The following TULP4 variants were observed in gnomAD, a reference collection of about 807,000 sequenced individuals.
TULP4 encodes TUB like protein 4, also known as tubby-related protein 4.
Under a neutral mutation model 129.0 loss-of-function variants are expected in TULP4, and 16 were observed. That is an observed-to-expected ratio of 0.12 (90% CI 0.08 to 0.19). The LOEUF (loss-of-function observed/expected upper bound fraction) is 0.19, where lower values mean the gene tolerates loss of function less well. TULP4 is among the 10% of genes least tolerant of loss of function. TULP4 has a pLI of 1.00. For synonymous variants in TULP4, 998 were observed against 854.0 expected (o/e 1.17, Z -2.94); for missense variants, 1,842 against 2,059.1 (o/e 0.89, Z 2.04).
intron 2 of TULP4, among the ~76,000 whole-genome samples, chr6:158,415,372 C>T (rs1231448162): frequency 5.4e-5 from 7 of 130,022 alleles, no homozygotes; most frequent in Non-Finnish European, 1.1e-4. Context: ...TTTTTTGAGA[C>T]GGAGTCACGC....
chr6:158,277,038 C>G (rs1778661191), intron 1 of TULP4, among the ~76,000 whole-genome samples: 1 of 152,116 alleles, frequency 6.6e-6, no homozygotes, highest in South Asian at 2.1e-4. Context: ...TTCCCAGGCT[C>G]AGGTGGTCCT....
chr6:158,300,586 C>T (rs1583718295), intron 1 of TULP4, among the ~76,000 whole-genome samples: 1 of 152,166 alleles, frequency 6.6e-6, no homozygotes, highest in Non-Finnish European at 1.5e-5. Context: ...TATCCAGGGG[C>T]ATTGTCTGTC....
intron 1 of TULP4, among the ~76,000 whole-genome samples, chr6:158,360,997 T>G (rs1178172640): frequency 1.3e-5 from 2 of 152,248 alleles, no homozygotes; most frequent in Non-Finnish European, 2.9e-5. Context: ...TGATCCTCCT[T>G]TCCTGCCTTC....
rs370357544 is a variant in TULP4, at chr6:158,376,341, A to C, written c.253-36724A>C. Among the ~76,000 whole-genome samples the C allele has an allele frequency of 8.5e-5, 13 of 152,242 alleles. No homozygotes were observed. In the East Asian group the frequency reaches 1.7e-3, roughly 20 times the overall value. The stretch of plus-strand genomic sequence containing the variant: ...GGGCATGTGGAAGGCTCTTCGTCCC[A>C]TGTCTGGTGCCTACACTGGACAAAG... On this transcript the variant is annotated intron_variant, in intron 1 of 13. Coordinates refer to ENST00000367097, the MANE Select transcript of TULP4 (RefSeq NM_020245.5).
chr6:158,357,668 G>A (rs1395688043), intron 1 of TULP4, among the ~76,000 whole-genome samples: 1 of 152,180 alleles, frequency 6.6e-6, no homozygotes, highest in African/African-American at 2.4e-5. Context: ...GTGTTCCTCT[G>A]ATGCCGAGGC....
intron 1 of TULP4, among the ~76,000 whole-genome samples, chr6:158,287,604 G>C (rs1778854453): frequency 6.6e-6 from 1 of 152,110 alleles, no homozygotes; most frequent in Non-Finnish European, 1.5e-5. Flanking sequence ...ACTTAAGATA[G>C]AAACATTTGC....
At chr6:158,381,675 A>G (rs1777329480) in intron 1 of TULP4, among the ~76,000 whole-genome samples, 2 of 152,202 alleles carry the variant, frequency 1.3e-5, no homozygotes, top group South Asian at 4.1e-4. Context: ...CTGGCTGTGT[A>G]GGGTGGATTT....
At chr6:158,461,370 C>T (rs1353331514) in intron 5 of TULP4, among the ~76,000 whole-genome samples, 193 bp from the exon 6 acceptor site, 1 of 150,216 alleles carries the variant, frequency 6.7e-6, no homozygotes, top group African/African-American at 2.5e-5. Flanking sequence ...GAGATCACGC[C>T]ATTGCACTCC....
At chr6:158,340,545 C>T (rs1780156465) in intron 1 of TULP4, among the ~76,000 whole-genome samples, 1 of 152,102 alleles carries the variant, frequency 6.6e-6, no homozygotes, top group Admixed American at 6.5e-5. Context: ...CAAACCAGGC[C>T]CTGCACCTGC....
chr6:158,313,717 C>T lies in TULP4; in HGVS notation c.-300C>T. 2.1e-6 allele frequency: 1 copy of T among 474,822 alleles called. No individual in the cohort carries two copies. Among genetic ancestry groups the T allele is most frequent in the South Asian group, 5.0e-5 (1 of 19,864 alleles). The allele number at this position is 474,822 out of a possible 1,614,324, so 29.4% of individuals were successfully genotyped here. A position where few individuals can be genotyped will look rare whatever the true frequency, so the allele number is the denominator to read the frequency against. On this transcript the variant is annotated 5_prime_UTR_variant, in exon 1 of 14. An upstream open reading frame in the 5' UTR gains an earlier in-frame stop. Transcript: ENST00000367097. ...CACTTAATTAACGATGCTCTTTCTC[C>T]AAAGGATCAGCACGTTCTTCCTCTG...
intron 9 of TULP4, among the ~76,000 whole-genome samples, chr6:158,491,282 G>A (rs1201384121): frequency 6.6e-6 from 1 of 152,140 alleles, no homozygotes; most frequent in Non-Finnish European, 1.5e-5. Context: ...GATGGATGCT[G>A]CTTCGTTTGC....
chr6:158,328,975 G>A (rs1311663021), intron 1 of TULP4, among the ~76,000 whole-genome samples: 1 of 152,152 alleles, frequency 6.6e-6, no homozygotes, highest in African/African-American at 2.4e-5. Context: ...ATTTCTCTGG[G>A]ATATGGTATA....
At chr6:158,397,833 G>GT (rs1399049463) in intron 1 of TULP4, 1 of 152,186 alleles carries the variant, frequency 6.6e-6, no homozygotes, top group Non-Finnish European at 1.5e-5. Flanking sequence ...TAGCCTCTTC[G>GT]TGATTGATAG....
intron 1 of TULP4, among the ~76,000 whole-genome samples, chr6:158,337,052 TTTCTTTCTTTCTTTCTTTCTTTTC>T (rs1562525365): frequency 2.4e-4 from 1 of 4,176 alleles, no homozygotes; most frequent in African/African-American, 3.6e-4. Flanking sequence ...TCTTTCTTTC[TTTCTTTCTTTCTTTCTTTCTTTTC>T]TTTCTTTCTG....
chr6:158,504,235 C>T (rs17504643), intron 13 of TULP4, 57 bp downstream of exon 13: 181,267 of 1,383,222 alleles, frequency 0.13, 12,847 homozygotes, highest in Non-Finnish European at 0.14. Context: ...TTCAGTGCTT[C>T]GGCCTTCAAG....
chr6:158,493,591 C>A lies in TULP4; in HGVS notation c.1650C>A (p.Arg550=), dbSNP rs781764645. ...TCCCCAGGATCAGCATTGAGGCCCG[C>A]AAGTCACCCAAGCTGCCCCGGGCTG... ...PKLPRISIEA[R]KSPKLPRAAQ... is the part of the protein sequence containing the mutation. The change falls in exon 10 of 14, where the codon CGC becomes CGA. Residue 550 remains arginine (R), a synonymous_variant. Coordinates refer to ENST00000367097, the MANE Select transcript of TULP4 (RefSeq NM_020245.5). This position sits in a 1 kb window ranked among gnomAD's most constrained non-coding sequence, Gnocchi z 4.4. The A allele has an allele frequency of 3.2e-6, 5 of 1,549,982 alleles. No individual in the cohort carries two copies. In the Admixed American group the frequency reaches 8.0e-5, roughly 25 times the overall value.
chr6:158,414,482 T>C (rs1246994961), intron 2 of TULP4, among the ~76,000 whole-genome samples: 2 of 102,754 alleles, frequency 1.9e-5, no homozygotes. Context: ...GCTTGCATCT[T>C]ATCACAGTGC....
intron 3 of TULP4, among the ~76,000 whole-genome samples, chr6:158,446,348 G>A (rs1472105396): frequency 6.6e-6 from 1 of 152,056 alleles, no homozygotes; most frequent in Non-Finnish European, 1.5e-5. Context: ...TCTTCCTATG[G>A]GAACTGTAGT....
intron 1 of TULP4, among the ~76,000 whole-genome samples, chr6:158,326,684 C>T (rs193116392): frequency 6.6e-6 from 1 of 152,278 alleles, no homozygotes; most frequent in East Asian, 1.9e-4. Flanking sequence ...ATTTTGTCTT[C>T]ACATTTCCAG....
Sources: gnomAD v4.1 joint callset for allele counts (sites outside exome capture counted in the v4.1 genomes callset) on GRCh38, gnomAD v4.1.1 for gene constraint, Gnocchi (gnomAD v3.1) non-coding constraint, MANE v1.5 for transcripts, NCBI Gene and HGNC (gene_info 2026-07-23, HGNC 2026-07-21) for gene names.